ULK4: variants seen among roughly 807,000 people sequenced by gnomAD.
ULK4 encodes unc-51 like kinase 4.
Under a neutral mutation model 160.6 loss-of-function variants are expected in ULK4, and 133 were observed. The observed-to-expected ratio is 0.83, with a 90% CI of 0.72 to 0.96. The LOEUF is 0.96. Among genes scored for constraint, ULK4 ranks in the 40% least tolerant of loss-of-function variants. ULK4 has a pLI of 0.00. For missense variants in ULK4, 1,580 were observed against 1,499.5 expected, an observed-to-expected ratio of 1.05 and a Z score of -0.89; for synonymous variants, 534 against 539.8, an observed-to-expected ratio of 0.99 and a Z score of 0.15.
chr3:41,781,696 T>C (rs1486451495), intron 21 of ULK4, among the ~76,000 whole-genome samples: 1 of 152,158 alleles, frequency 6.6e-6, no homozygotes, highest in Non-Finnish European at 1.5e-5. Flanking sequence ...CCCAGCACTC[T>C]GGGAGGCTGA....
intron 11 of ULK4, among the ~76,000 whole-genome samples, chr3:41,910,224 T>C (rs1698731533): frequency 6.6e-6 from 1 of 152,186 alleles, no homozygotes; most frequent in Admixed American, 6.5e-5. Context: ...AATGCATTGG[T>C]CCTAATTACT....
chr3:41,930,490 G>A (rs909907319), intron 5 of ULK4, among the ~76,000 whole-genome samples: 6 of 152,120 alleles, frequency 3.9e-5, no homozygotes, highest in Admixed American at 2.0e-4. Context: ...TTGACAAATG[G>A]TATCTAATTA....
intron 35 of ULK4, among the ~76,000 whole-genome samples, chr3:41,364,968 G>C (rs2081227264): frequency 6.6e-6 from 1 of 152,168 alleles, no homozygotes; most frequent in Non-Finnish European, 1.5e-5. Flanking sequence ...AAGGGGTGGG[G>C]CCTGAGATTC....
chr3:41,247,763 A>G (rs1248385818), intron 36 of ULK4, among the ~76,000 whole-genome samples: 1 of 152,216 alleles, frequency 6.6e-6, no homozygotes, highest in Non-Finnish European at 1.5e-5. Context: ...AGTCTAGGCT[A>G]GACTAGTGGG....
intron 20 of ULK4, among the ~76,000 whole-genome samples, chr3:41,794,709 C>T (rs1210404072): frequency 8.9e-6 from 1 of 112,640 alleles, no homozygotes; most frequent in Non-Finnish European, 1.8e-5. Flanking sequence ...AACCACAAAC[C>T]TGTGTATAAA....
At chr3:41,531,717 A>C (rs1470682873) in intron 32 of ULK4, among the ~76,000 whole-genome samples, 1 of 152,210 alleles carries the variant, frequency 6.6e-6, no homozygotes, top group East Asian at 1.9e-4. Context: ...TTGTTTAAGT[A>C]GTTTCAAAGA....
intron 35 of ULK4, among the ~76,000 whole-genome samples, chr3:41,282,854 T>C (rs2079385818): frequency 6.6e-6 from 1 of 152,102 alleles, no homozygotes; most frequent in African/African-American, 2.4e-5. Context: ...ATCATCAGAG[T>C]GAACAGGCAA....
chr3:41,872,594 A>G (rs1381009635), intron 17 of ULK4, among the ~76,000 whole-genome samples: 2 of 152,096 alleles, frequency 1.3e-5, no homozygotes, highest in Admixed American at 1.3e-4. Context: ...TCTTTCAGGT[A>G]GTGTGTTGCC....
chr3:41,265,717 A>T (rs2079019856), intron 35 of ULK4, among the ~76,000 whole-genome samples: 2 of 152,090 alleles, frequency 1.3e-5, no homozygotes, highest in African/African-American at 4.8e-5. Context: ...CCTTTGAGAG[A>T]TCTCACCCTT....
At chr3:41,743,004 C>A (rs1184967178) in intron 22 of ULK4, among the ~76,000 whole-genome samples, 1 of 151,790 alleles carries the variant, frequency 6.6e-6, no homozygotes, top group East Asian at 1.9e-4. Flanking sequence ...ACATTCATAT[C>A]ATCAAAGTCC....
At chr3:41,634,488 G>C (rs1340655261) in intron 30 of ULK4, among the ~76,000 whole-genome samples, 1 of 152,192 alleles carries the variant, frequency 6.6e-6, no homozygotes, top group Non-Finnish European at 1.5e-5. Flanking sequence ...CATGAGGCAG[G>C]AATGGCGTCA....
intron 32 of ULK4, among the ~76,000 whole-genome samples, chr3:41,513,740 C>T (rs1298914244): frequency 1.3e-5 from 2 of 152,196 alleles, no homozygotes; most frequent in East Asian, 3.8e-4. Context: ...TGTATGTTCT[C>T]ACTCATAATT....
At chr3:41,742,722 T>C (rs1288346126) in intron 22 of ULK4, among the ~76,000 whole-genome samples, 1 of 151,852 alleles carries the variant, frequency 6.6e-6, no homozygotes, top group East Asian at 1.9e-4. Flanking sequence ...CATTACAAAT[T>C]CTCTTAAAAC....
chr3:41,841,163 G>A (rs1388343665), intron 17 of ULK4, among the ~76,000 whole-genome samples: 5 of 140,570 alleles, frequency 3.6e-5, no homozygotes, highest in African/African-American at 1.3e-4. Flanking sequence ...GATGTCAGCT[G>A]CCCCGACTGG....
At chr3:41,482,359 G>A (rs1575286710) in intron 32 of ULK4, among the ~76,000 whole-genome samples, 2 of 152,164 alleles carry the variant, frequency 1.3e-5, no homozygotes, top group East Asian at 3.9e-4. Flanking sequence ...GAGCAGCAGT[G>A]ATGGTGTCTT....
At chr3:41,426,329 G>A (rs1376164749) in intron 34 of ULK4, among the ~76,000 whole-genome samples, 1 of 152,088 alleles carries the variant, frequency 6.6e-6, no homozygotes, top group East Asian at 1.9e-4. Flanking sequence ...AATAATAGTA[G>A]GAGACTTTAC....
At chr3:41,845,166 C>T (rs563240006) in intron 17 of ULK4, among the ~76,000 whole-genome samples, 100 of 152,166 alleles carry the variant, frequency 6.6e-4, no homozygotes, top group Admixed American at 1.2e-3. Context: ...GGGGTTTCAC[C>T]GTGTTAGCCA....
At chr3:41,901,913 C>T (rs1186441585) in intron 12 of ULK4, among the ~76,000 whole-genome samples, 3 of 151,970 alleles carry the variant, frequency 2.0e-5, no homozygotes, top group African/African-American at 7.2e-5. Flanking sequence ...AGTATTAAAC[C>T]TCAATTATTT....
In ULK4 at chr3:41,466,770, ATG is replaced by A. The variant is rs573691274; in HGVS notation, c.3227-3519_3227-3518del. Reference sequence around the variant, plus strand: ...TCTCTTTTTCTACATGTATATATGTATGTGTGTATATATGTGTGTGTATATGT... The same window carrying A: ...TCTCTTTTTCTACATGTATATATGTATGTGTATATATGTGTGTGTATATGT... On this transcript the variant is annotated intron_variant, in intron 32 of 36. Transcript: ENST00000301831. Among the ~76,000 whole-genome samples, 407 of 152,292 alleles carry A rather than the reference ATG, an allele frequency of 2.7e-3. 1 individual carries two copies. The highest frequency in any genetic ancestry group is 4.8e-3 in the Non-Finnish European group (326 of 68,018).
Sources: gnomAD v4.1 joint callset for allele counts (sites outside exome capture counted in the v4.1 genomes callset) on GRCh38, gnomAD v4.1.1 for gene constraint, MANE v1.5 for transcripts, NCBI Gene and HGNC (gene_info 2026-07-23, HGNC 2026-07-21) for gene names.